ARMCX4: variants seen among roughly 807,000 people sequenced by gnomAD.
ARMCX4 encodes the protein armadillo repeat-containing X-linked protein 4.
A neutral mutation model predicts 34.7 loss-of-function variants in ARMCX4; 3 were observed. The ratio of observed to expected loss-of-function variants is 0.09; its 90% CI spans 0.04 to 0.22. ARMCX4 has a LOEUF of 0.22. Among genes scored for constraint, ARMCX4 ranks in the 10% least tolerant of loss-of-function variants. The probability of loss-of-function intolerance (pLI) is 1.00; values close to 1 mark genes in which losing one functional copy is unlikely to be tolerated. For missense variants in ARMCX4, 1,448 were observed against 1,720.8 expected, an observed-to-expected ratio of 0.84 and a Z score of 2.81; for synonymous variants, 513 against 632.8, an observed-to-expected ratio of 0.81 and a Z score of 2.84.
intron 4 of ARMCX4, among the ~76,000 whole-genome samples, chrX:101,463,385 C>G (rs1556001492): frequency 8.9e-6 from 1 of 112,101 alleles, no homozygotes; most frequent in African/African-American, 3.2e-5. Context: ...TGCAAGTGCT[C>G]TTGGCAAACT....
intron 4 of ARMCX4, among the ~76,000 whole-genome samples, chrX:101,472,431 C>A (rs1310331233): frequency 1.2e-5 from 1 of 81,595 alleles, no homozygotes; most frequent in Non-Finnish European, 2.3e-5. Context: ...GGCAGGCCAA[C>A]ATTCAGATTC....
At chrX:101,446,911 G>A (rs1168106445), downstream of ARMCX4, among the ~76,000 whole-genome samples, 3 of 109,034 alleles carry the variant, frequency 2.8e-5, no homozygotes, top group Admixed American at 9.9e-5. Flanking sequence ...CCAAGATTGC[G>A]CCACTGCACT....
rs912350342 is a variant in ARMCX4 at position 101,459,144 on chromosome X, C to T, written c.-473+13100C>T. 3.6e-5 allele frequency among the ~76,000 whole-genome samples: 4 copies of T among 111,971 alleles called. No individual in the cohort carries two copies. The South Asian group carries it at 1.1e-3, about 31-fold the overall frequency. On this transcript the variant is annotated intron_variant and NMD_transcript_variant, in intron 4 of 15. Coordinates refer to the ARMCX4 transcript ENST00000433011. ...TGCCGTCTTTAGTGTCTTGTTTAGC[C>T]ACTCCAGTGAGTTTCCCTTTTGCCC...
downstream of ARMCX4, among the ~76,000 whole-genome samples, chrX:101,535,475 A>G (rs1374782033): frequency 8.9e-6 from 1 of 112,348 alleles, no homozygotes; most frequent in Non-Finnish European, 1.9e-5. Flanking sequence ...TATGATTTGA[A>G]GTGAATACTG....
At position 101,489,301 on chromosome X, in the gene ARMCX4, G is replaced by A; in HGVS notation, c.712G>A (p.Ala238Thr). Residue 238 changes from alanine to threonine, a missense_variant, in exon 6 of 6, where the codon GCT becomes ACT. Ala to Thr is a moderately conservative substitution (Grantham distance 58). Transcript: ENST00000423738. ...TGIVDETKTR[A>T]LEETVSVAKT... ...AATTGTGGATGAAACCAAGACAAGA[G>A]CTCTGGAAGAGACTGTGAGTGTGGC... The A allele has an allele frequency of 4.3e-6, 5 of 1,156,089 alleles. No homozygotes were observed. The highest frequency in any genetic ancestry group is 5.7e-6 in the Non-Finnish European group (5 of 872,962).
intron 7 of ARMCX4, among the ~76,000 whole-genome samples, chrX:101,503,102 A>G (rs1476065957): frequency 2.2e-4 from 24 of 109,196 alleles, no homozygotes; most frequent in African/African-American, 7.0e-4. Flanking sequence ...ATGTCCCTAT[A>G]AAGGACATGA....
chrX:101,483,018 T>C (rs1933528180), upstream of ARMCX4, among the ~76,000 whole-genome samples: 1 of 105,089 alleles, frequency 9.5e-6, no homozygotes, highest in South Asian at 4.5e-4. Flanking sequence ...GACTCAGCCT[T>C]GCAAGTAGCT....
chrX:101,433,389 T>C (rs1006686538), intron 2 of ARMCX4, among the ~76,000 whole-genome samples: 6 of 109,858 alleles, frequency 5.5e-5, no homozygotes, highest in African/African-American at 1.7e-4. Context: ...TATATGTACA[T>C]ATATACATAC....
Position 101,433,009 on chromosome X carries a change from T to TACACAC in ARMCX4, n.165-11042_165-11041insCACACA, listed in dbSNP as rs1569314975. Among the ~76,000 whole-genome samples the TACACAC allele has an allele frequency of 1.1e-3, 125 of 108,817 alleles. 2 individuals carry two copies. Among genetic ancestry groups the TACACAC allele is most frequent in the African/African-American group, 4.0e-3 (119 of 30,093 alleles). The allele number at this position is 108,817 out of a possible 115,157, so 94.5% of individuals were successfully genotyped here. ...ACACATGTATACATATATGTGTATA[T>TACACAC]ATACACATATGTATACATACACGTG... On this transcript the variant is annotated intron_variant and non_coding_transcript_variant, in intron 2 of 3. Coordinates refer to the ARMCX4 transcript ENST00000430461.
chrX:101,518,631 A>G (rs1271573207), intron 11 of ARMCX4, among the ~76,000 whole-genome samples: 1 of 111,723 alleles, frequency 9.0e-6, no homozygotes, highest in Non-Finnish European at 1.9e-5. Flanking sequence ...CCTTATTAAA[A>G]TACAAGGATA....
rs1476877401 is a variant in ARMCX4 at position 101,490,613 on chromosome X, G to A, written c.2024G>A (p.Ser675Asn). 13 of 1,153,999 alleles carry A rather than the reference G, an allele frequency of 1.1e-5. No homozygotes were observed. In the African/African-American group the frequency reaches 2.2e-4, roughly 19 times the overall value. ...MGTAQLQIMA[S>N]SKGEALLDSK... The stretch of plus-strand genomic sequence containing the variant: ...ACTGCCCAGCTTCAGATTATGGCCA[G>A]TTCCAAGGGTGAGGCCTTGCTTGAT... Residue 675 changes from serine to asparagine, a missense_variant, in exon 6 of 6, where the codon AGT (serine) becomes AAT (asparagine). Ser to Asn is a conservative substitution (Grantham distance 46, BLOSUM62 1). Transcript: ENST00000423738.
Position 101,489,024 on chromosome X carries a change from A to G in ARMCX4, c.435A>G (p.Lys145=). The part of the protein sequence containing the change: ...VKAKAREVAM[K]EAVTQTDAEA... ...CCAAAGCCAGGGAAGTGGCCATGAA[A>G]GAAGCAGTGACCCAAACTGATGCTG... Residue 145 remains lysine (K), a synonymous_variant, in exon 6 of 6, where the codon AAA becomes AAG. Transcript: ENST00000423738. The G allele has an allele frequency of 8.6e-7, 1 of 1,156,260 alleles. No homozygotes were observed. Among genetic ancestry groups the G allele is most frequent in the Non-Finnish European group, 1.1e-6 (1 of 873,063 alleles).
upstream of ARMCX4, among the ~76,000 whole-genome samples, chrX:101,484,448 GAAGTCACTAGTAAAGCAGGTTAATTTGGT>G (rs1271352645): frequency 8.9e-6 from 1 of 111,779 alleles, no homozygotes; most frequent in African/African-American, 3.3e-5. Flanking sequence ...GTTAATTTGG[GAAGTCACTAGTAAAGCAGGTTAATTTGGT>G]AAGTCACTAG....
At chrX:101,432,307 G>A (rs1930088711) in intron 2 of ARMCX4, among the ~76,000 whole-genome samples, 1 of 111,228 alleles carries the variant, frequency 9.0e-6, no homozygotes, top group Non-Finnish European at 1.9e-5. Flanking sequence ...TTTCATGTGA[G>A]GGAGTTCTGC....
intron 11 of ARMCX4, among the ~76,000 whole-genome samples, chrX:101,526,685 T>A (rs1320340373): frequency 1.8e-5 from 2 of 111,875 alleles, no homozygotes; most frequent in Non-Finnish European, 3.8e-5. Context: ...GTTGCAATCC[T>A]AGTCTCTGAT....
chrX:101,494,376 G>A lies in ARMCX4; in HGVS notation c.5787G>A (p.Gly1929=). 3.5e-6 allele frequency: 4 copies of A among 1,154,553 alleles called. No homozygotes were observed. Among genetic ancestry groups the A allele is most frequent in the Non-Finnish European group, 4.6e-6 (4 of 871,756 alleles). The change falls in exon 6 of 6, where the codon GGG becomes GGA. Residue 1929 remains glycine, a synonymous_variant. Transcript: ENST00000423738. ...GKDASFESGA[G]DNTSIKDKFE... ...ATGCCAGTTTTGAGTCTGGAGCTGG[G>A]GATAACACCAGCATCAAGGATAAGT... is the stretch of plus-strand genomic sequence containing the variant.
chrX:101,479,304 CCACACA>C (rs34549014), intron 4 of ARMCX4, among the ~76,000 whole-genome samples: 3,879 of 78,119 alleles, frequency 0.05, 118 homozygotes, highest in South Asian at 0.061. Flanking sequence ...ATAAAGAAAA[CCACACA>C]CACACACACA....
chrX:101,497,857 A>G (rs1387211064), downstream of ARMCX4, among the ~76,000 whole-genome samples: 1 of 112,242 alleles, frequency 8.9e-6, no homozygotes, highest in East Asian at 2.8e-4. Context: ...CTGTAAAAAA[A>G]TAATGTCACA....
chrX:101,457,492 G>T, intron 4 of ARMCX4, among the ~76,000 whole-genome samples: 1 of 111,286 alleles, frequency 9.0e-6, no homozygotes, highest in Non-Finnish European at 1.9e-5. Flanking sequence ...CAGAGGCAGA[G>T]GTGGGCAGAT....
Sources: gnomAD v4.1 joint callset for allele counts (sites outside exome capture counted in the v4.1 genomes callset) on GRCh38, gnomAD v4.1.1 for gene constraint, MANE v1.5 for transcripts, NCBI Gene and HGNC (gene_info 2026-07-23, HGNC 2026-07-21) for gene names.